The following CFAP69 variants were observed in gnomAD, a reference collection of about 807,000 sequenced individuals.
CFAP69 encodes the protein cilia- and flagella-associated protein 69.
In CFAP69, 92 loss-of-function variants were observed where a neutral mutation model predicts 123.0. The observed-to-expected ratio is 0.75, with a 90% CI of 0.63 to 0.89. The LOEUF (loss-of-function observed/expected upper bound fraction) is 0.89. CFAP69 is among the 40% of genes least tolerant of loss of function. The pLI is 0.00. For missense variants in CFAP69, 1,067 were observed against 1,096.9 expected (o/e 0.97, Z 0.39); for synonymous variants, 380 against 364.3 (o/e 1.04, Z -0.49).
chr7:90,309,022 T>G (rs11563550), intron 21 of CFAP69, among the ~76,000 whole-genome samples: 8,103 of 152,180 alleles, frequency 0.053, 274 homozygotes, highest in Non-Finnish European at 0.077. Context: ...ATGGATTTCT[T>G]GGACTACTTC....
intron 3 of CFAP69, among the ~76,000 whole-genome samples, chr7:90,261,155 C>G (rs972131412): frequency 2.0e-5 from 3 of 151,758 alleles, no homozygotes; most frequent in Non-Finnish European, 4.4e-5. Context: ...TCTCAGCTCA[C>G]TGCAATCTCC....
downstream of CFAP69, among the ~76,000 whole-genome samples, chr7:90,315,770 A>G (rs1315693224): frequency 6.6e-6 from 1 of 152,222 alleles, no homozygotes; most frequent in African/African-American, 2.4e-5. Flanking sequence ...TTTAAAAAAT[A>G]AACAAAATTA....
intron 15 of CFAP69, among the ~76,000 whole-genome samples, chr7:90,295,435 C>T (rs188578401): frequency 4.2e-4 from 64 of 152,318 alleles, no homozygotes; most frequent in Admixed American, 9.2e-4. Context: ...CACCCAAGGT[C>T]GGCCAACCAG....
At position 90,273,729 on chromosome 7, in the gene CFAP69, G is replaced by A. The variant is rs139514912; in HGVS notation, c.861-258G>A. Among the ~76,000 whole-genome samples the A allele has an allele frequency of 7.7e-3, 1,175 of 152,118 alleles. 12 individuals are homozygous for A. Among genetic ancestry groups the A allele is most frequent in the Non-Finnish European group, 0.013 (855 of 67,984 alleles). On this transcript the variant is annotated intron_variant, in intron 8 of 22. Coordinates refer to ENST00000389297, the MANE Select transcript of CFAP69 (RefSeq NM_001039706.3). ...TGATATCAGGGTGCCAGTGTGGTTG[G>A]GTTCTGATGAGGGTGCTCTTCTGGG...
At chr7:90,278,886 G>A (rs1235803738) in intron 11 of CFAP69, among the ~76,000 whole-genome samples, 1 of 151,916 alleles carries the variant, frequency 6.6e-6, no homozygotes, top group Non-Finnish European at 1.5e-5. Flanking sequence ...CTTTTCACAT[G>A]GACTAGTAAG....
intron 15 of CFAP69, among the ~76,000 whole-genome samples, chr7:90,293,320 G>A (rs1446010026): frequency 6.6e-6 from 1 of 152,022 alleles, no homozygotes; most frequent in Non-Finnish European, 1.5e-5. Context: ...TTGACCATAA[G>A]GTAAGATTCT....
At chr7:90,265,888 G>A (rs1259612151) in intron 5 of CFAP69, 2 of 152,054 alleles carry the variant, frequency 1.3e-5, no homozygotes, top group Non-Finnish European at 2.9e-5. Flanking sequence ...TAAAAGGGTA[G>A]GCACTTATGT....
At chr7:90,291,053 A>C (rs186507110) in intron 15 of CFAP69, among the ~76,000 whole-genome samples, 1 of 152,114 alleles carries the variant, frequency 6.6e-6, no homozygotes, top group Non-Finnish European at 1.5e-5. Flanking sequence ...TCTTATAGGA[A>C]AGGGTTCCTG....
chr7:90,315,202 C>T (rs1794689732), downstream of CFAP69, among the ~76,000 whole-genome samples: 3 of 152,072 alleles, frequency 2.0e-5, no homozygotes, highest in Admixed American at 2.0e-4. Context: ...GTGGCAATTC[C>T]TCAAAGAGCT....
At chr7:90,281,697 G>A (rs1789515741) in intron 12 of CFAP69, among the ~76,000 whole-genome samples, 1 of 152,170 alleles carries the variant, frequency 6.6e-6, no homozygotes, top group Non-Finnish European at 1.5e-5. Context: ...CTAGATATCA[G>A]TGTAGGAAAG....
the CFAP69 span, among the ~76,000 whole-genome samples, chr7:90,321,711 T>C: frequency 1.3e-5 from 2 of 152,202 alleles, no homozygotes; most frequent in South Asian, 4.1e-4. Context: ...TGAACGGTTC[T>C]AATCTCTAGC....
intron 15 of CFAP69, among the ~76,000 whole-genome samples, chr7:90,296,908 A>G (rs952137092): frequency 6.6e-6 from 1 of 152,124 alleles, no homozygotes; most frequent in South Asian, 2.1e-4. Flanking sequence ...GTTGAGACCA[A>G]GTTTCTTATT....
intron 7 of CFAP69, 25 bp downstream of exon 7, chr7:90,271,700 A>G: frequency 6.2e-7 from 1 of 1,601,416 alleles, no homozygotes; most frequent in Non-Finnish European, 8.5e-7. Context: ...AAGTTTAAAC[A>G]CTTCATTGTC....
chr7:90,301,366 G>A (rs1792781786), intron 17 of CFAP69: 1 of 151,952 alleles, frequency 6.6e-6, no homozygotes, highest in African/African-American at 2.4e-5. Flanking sequence ...TACACATACA[G>A]GTTTGTTATA....
intron 15 of CFAP69, among the ~76,000 whole-genome samples, chr7:90,292,389 A>T (rs1290210642): frequency 6.6e-6 from 1 of 152,158 alleles, no homozygotes; most frequent in Admixed American, 6.6e-5. Context: ...TAGACAAAGT[A>T]TCAAGTTTTC....
intron 3 of CFAP69, among the ~76,000 whole-genome samples, chr7:90,261,309 G>A (rs1454849618): frequency 1.3e-5 from 2 of 152,064 alleles, no homozygotes; most frequent in South Asian, 4.1e-4. Context: ...TCCTGACCTC[G>A]TGATCCACCT....
Position 90,307,046 on chromosome 7 carries a change from T to G in CFAP69, c.2411T>G (p.Ile804Ser). The change falls in exon 20 of 23, where the codon ATT (isoleucine) becomes AGT (serine). Residue 804 changes from isoleucine to serine, a missense_variant. Physicochemically the swap from Ile to Ser is moderately radical, Grantham distance 142 (BLOSUM62 -2). Transcript: ENST00000389297. ...GTTGCTTCTCTGCAAAGTGATATAA[T>G]TGAAAGCCAAGCATGCCAAGACATG... is the stretch of plus-strand genomic sequence containing the variant. ...KMVASLQSDI[I>S]ESQACQDMQN... 6.2e-7 allele frequency: 1 copy of G among 1,613,242 alleles called. No individual in the cohort carries two copies. The highest frequency in any genetic ancestry group is 8.5e-7 in the Non-Finnish European group (1 of 1,179,768).
chr7:90,277,417 T>A, intron 11 of CFAP69, 83 bp downstream of exon 11: 1 of 1,143,686 alleles, frequency 8.7e-7, no homozygotes, highest in Non-Finnish European at 1.2e-6. Flanking sequence ...ACTGTAAATA[T>A]TTTATCGGTT....
chr7:90,281,041 A>C (rs889053567), intron 12 of CFAP69, among the ~76,000 whole-genome samples: 7 of 152,222 alleles, frequency 4.6e-5, no homozygotes, highest in African/African-American at 1.7e-4. Flanking sequence ...TAATAAGAGA[A>C]AGACTGATAG....
Sources: gnomAD v4.1 joint callset for allele counts (sites outside exome capture counted in the v4.1 genomes callset) on GRCh38, gnomAD v4.1.1 for gene constraint, MANE v1.5 for transcripts, NCBI Gene and HGNC (gene_info 2026-07-23, HGNC 2026-07-21) for gene names.